SRGAP3: variants seen among roughly 807,000 people sequenced by gnomAD.
SRGAP3 encodes the protein SLIT-ROBO Rho GTPase-activating protein 3.
SRGAP3 carries 39 observed loss-of-function variants against 121.1 expected under a neutral mutation model. That is an observed-to-expected ratio of 0.32 (90% CI 0.25 to 0.42). The LOEUF is 0.42. Among genes scored for constraint, SRGAP3 ranks in the 10% least tolerant of loss-of-function variants. The pLI is 1.00. For missense variants in SRGAP3, 1,213 were observed against 1,470.6 expected, an observed-to-expected ratio of 0.82 and a Z score of 2.86; for synonymous variants, 601 against 570.0, an observed-to-expected ratio of 1.05 and a Z score of -0.77.
chr3:9,047,548 C>A (rs919862397), intron 9 of SRGAP3, 73 bp from the exon 10 acceptor site: 3 of 1,463,752 alleles, frequency 2.0e-6, no homozygotes, highest in Non-Finnish European at 1.9e-6. Context: ...CTGCAACTGA[C>A]CTCTGGGACA....
At chr3:9,231,942 G>A (rs1953226191) in intron 1 of SRGAP3, among the ~76,000 whole-genome samples, 1 of 152,126 alleles carries the variant, frequency 6.6e-6, no homozygotes, top group Admixed American at 6.5e-5. Context: ...TGGAAAATCG[G>A]GTCTTATGAG....
intron 2 of SRGAP3, among the ~76,000 whole-genome samples, chr3:9,121,103 A>C (rs1948988874): frequency 6.6e-6 from 1 of 152,112 alleles, no homozygotes; most frequent in African/African-American, 2.4e-5. Context: ...TCTGAGGCAA[A>C]TCTCTCAGCC....
chr3:8,987,936 A>G (rs1386303626), intron 21 of SRGAP3, among the ~76,000 whole-genome samples: 5 of 152,044 alleles, frequency 3.3e-5, no homozygotes, highest in South Asian at 2.1e-4. Context: ...ACTACTCTCT[A>G]TTTGCTCTAG....
intron 1 of SRGAP3, among the ~76,000 whole-genome samples, chr3:9,155,539 T>C (rs977525065): frequency 2.6e-5 from 4 of 152,162 alleles, no homozygotes; most frequent in Non-Finnish European, 5.9e-5. Context: ...CTGGAATCTT[T>C]CCATCTACTT....
intron 9 of SRGAP3, among the ~76,000 whole-genome samples, chr3:9,049,777 C>CTT (rs34472476): frequency 0.087 from 12,353 of 142,622 alleles, 584 homozygotes; most frequent in Middle Eastern, 0.15. Context: ...TGAGAACCTA[C>CTT]TTTTTTTTTT....
intron 2 of SRGAP3, among the ~76,000 whole-genome samples, chr3:9,327,994 A>C (rs1446449352): frequency 1.3e-5 from 2 of 152,214 alleles, no homozygotes; most frequent in East Asian, 3.8e-4. Flanking sequence ...CCTTATTTAG[A>C]ATTTAAGGTC....
intron 1 of SRGAP3, among the ~76,000 whole-genome samples, chr3:9,345,515 G>C (rs1955869467): frequency 6.7e-6 from 1 of 149,686 alleles, no homozygotes; most frequent in Non-Finnish European, 1.5e-5. Context: ...AGGTGCGGTG[G>C]CTAACGCTTG....
chr3:9,011,182 C>A (rs138440244), intron 17 of SRGAP3, among the ~76,000 whole-genome samples: 1 of 151,914 alleles, frequency 6.6e-6, no homozygotes, highest in East Asian at 1.9e-4. Flanking sequence ...GAAAAAAAAC[C>A]GAAGTAAATA....
intron 3 of SRGAP3, among the ~76,000 whole-genome samples, chr3:9,289,585 T>G (rs566684548): frequency 9.3e-4 from 141 of 152,246 alleles, no homozygotes; most frequent in African/African-American, 3.0e-3. Context: ...AGATTTTTTT[T>G]GGGGGGGCCC....
intron 3 of SRGAP3, among the ~76,000 whole-genome samples, chr3:9,317,128 C>T (rs1004290237): frequency 6.6e-6 from 1 of 152,196 alleles, no homozygotes; most frequent in Admixed American, 6.5e-5. Flanking sequence ...CCGCGTTCTT[C>T]CGAGAGCCTG....
chr3:9,157,303 C>T (rs1302416441), intron 1 of SRGAP3, among the ~76,000 whole-genome samples: 2 of 152,110 alleles, frequency 1.3e-5, no homozygotes. Context: ...CATCCCAGAT[C>T]TCATGAGAAC....
chr3:9,002,767 A>C (rs1038722310), intron 18 of SRGAP3, among the ~76,000 whole-genome samples: 2 of 152,184 alleles, frequency 1.3e-5, no homozygotes, highest in African/African-American at 4.8e-5. Context: ...CGTTACTACC[A>C]TTATTTTACA....
At chr3:9,012,172 A>C (rs1943410136) in intron 17 of SRGAP3, among the ~76,000 whole-genome samples, 1 of 152,216 alleles carries the variant, frequency 6.6e-6, no homozygotes, top group Non-Finnish European at 1.5e-5. Context: ...GTGGGAAGGA[A>C]ACACAAAGGC....
intron 2 of SRGAP3, among the ~76,000 whole-genome samples, chr3:9,327,440 T>A (rs142158539): frequency 6.7e-6 from 1 of 149,642 alleles, no homozygotes; most frequent in African/African-American, 2.4e-5. Context: ...TACCTTCTTA[T>A]AATCCCTTAC....
chr3:9,340,247 T>C (rs1048235465), intron 1 of SRGAP3, among the ~76,000 whole-genome samples: 1 of 152,230 alleles, frequency 6.6e-6, no homozygotes, highest in African/African-American at 2.4e-5. Context: ...ATTTTGTTTA[T>C]AGATTTAATA....
At chr3:9,047,222 G>T (rs2125140760) in intron 10 of SRGAP3, among the ~76,000 whole-genome samples, 169 bp downstream of exon 10, 1 of 152,164 alleles carries the variant, frequency 6.6e-6, no homozygotes, top group East Asian at 1.9e-4. Context: ...ACCCCACAAG[G>T]CATCTGTACC....
intron 1 of SRGAP3, among the ~76,000 whole-genome samples, chr3:9,130,413 C>A (rs755614123): frequency 6.6e-6 from 1 of 152,210 alleles, no homozygotes; most frequent in Non-Finnish European, 1.5e-5. Flanking sequence ...CAAGACCAAA[C>A]CTTGTCATAT....
chr3:9,154,853 CT>C (rs1295948830), intron 1 of SRGAP3, among the ~76,000 whole-genome samples: 2 of 151,066 alleles, frequency 1.3e-5, no homozygotes, highest in Non-Finnish European at 2.9e-5. Flanking sequence ...AGAAACTGCC[CT>C]CTCTAGAACT....
intron 1 of SRGAP3, among the ~76,000 whole-genome samples, chr3:9,245,347 C>T (rs375239093): frequency 2.0e-5 from 3 of 152,308 alleles, no homozygotes; most frequent in South Asian, 2.1e-4. Context: ...AATTGTTTCA[C>T]GTGGCCAACT....
Sources: gnomAD v4.1 joint callset for allele counts (sites outside exome capture counted in the v4.1 genomes callset) on GRCh38, gnomAD v4.1.1 for gene constraint, MANE v1.5 for transcripts, NCBI Gene and HGNC (gene_info 2026-07-23, HGNC 2026-07-21) for gene names.